Variants in SLC5A12 observed in about 807,000 individuals in gnomAD.
SLC5A12 encodes solute carrier family 5 member 12, also known as sodium-coupled monocarboxylate transporter 2.
A neutral mutation model predicts 72.7 loss-of-function variants in SLC5A12; 46 were observed. That is an observed-to-expected ratio of 0.63 (90% CI 0.50 to 0.81). The LOEUF (loss-of-function observed/expected upper bound fraction) is 0.81. SLC5A12 is among the 30% of genes least tolerant of loss of function. The pLI is 0.00. For missense variants in SLC5A12, 683 were observed against 740.7 expected, an observed-to-expected ratio of 0.92 and a Z score of 0.90; for synonymous variants, 275 against 264.4, an observed-to-expected ratio of 1.04 and a Z score of -0.39.
rs1855015555 is a variant in SLC5A12, at chr11:26,703,635, C to A, written c.717G>T (p.Trp239Cys). Residue 239 changes from tryptophan to cysteine, a missense_variant, in exon 6 of 15, where the codon TGG becomes TGT. Trp to Cys is a radical substitution (Grantham distance 215). Coordinates refer to ENST00000396005, the MANE Select transcript of SLC5A12 (RefSeq NM_178498.4). ...DVDPLRRHTF[W>C]TITVGGTFTW... ...TAAAAGTTCCTCCCACTGTGATAGT[C>A]CAAAAAGTGTGTCGCCTGAGAGGAT... 1.9e-6 allele frequency: 3 copies of A among 1,613,646 alleles called. No individual in the cohort carries two copies. The highest frequency in any genetic ancestry group is 1.3e-5 in the African/African-American group (1 of 74,824).
intron 3 of SLC5A12, among the ~76,000 whole-genome samples, chr11:26,709,891 C>G (rs1204523772): frequency 6.6e-6 from 1 of 150,816 alleles, no homozygotes; most frequent in East Asian, 1.9e-4. Flanking sequence ...GACTTTTTTT[C>G]TAGGAAAACA....
At chr11:26,710,728 A>G (rs889714671) in intron 3 of SLC5A12, among the ~76,000 whole-genome samples, 1 of 152,064 alleles carries the variant, frequency 6.6e-6, no homozygotes, top group Admixed American at 6.6e-5. Flanking sequence ...CTTTCTTGGC[A>G]GCTCTTATCT....
At chr11:26,687,524 G>A (rs1357257509) in intron 9 of SLC5A12, among the ~76,000 whole-genome samples, 1 of 152,208 alleles carries the variant, frequency 6.6e-6, no homozygotes, top group African/African-American at 2.4e-5. Context: ...AAGTTAGAAT[G>A]TGATTCCTGT....
Position 26,686,675 on chromosome 11 carries a change from C to T in SLC5A12, c.1154-131G>A, listed in dbSNP as rs191010482. ...AGGGATCTCAGCGAGGACCATCCTC[C>T]CCATTCAGCCATCATCAGCCCCAAG... On this transcript the variant is annotated intron_variant, in intron 9 of 14. Coordinates refer to ENST00000396005, the MANE Select transcript of SLC5A12 (RefSeq NM_178498.4). 2,304 of 717,728 alleles carry T rather than the reference C, an allele frequency of 3.2e-3. 45 individuals are homozygous for T. In the African/African-American group the frequency reaches 0.036, roughly 11 times the overall value. 44.5% of individuals were successfully genotyped at this position (717,728 alleles called of 1,614,324 possible). A position where few individuals can be genotyped will look rare whatever the true frequency, so the allele number is the denominator to read the frequency against.
intron 8 of SLC5A12, among the ~76,000 whole-genome samples, chr11:26,693,004 T>C (rs1854720364): frequency 6.6e-6 from 1 of 152,218 alleles, no homozygotes; most frequent in African/African-American, 2.4e-5. Flanking sequence ...CACTCATTAA[T>C]TATTCATTCA....
rs1005148375 is a variant in SLC5A12 at position 26,712,583 on chromosome 11, C to A, written c.405+58G>T. On this transcript the variant is annotated intron_variant, in intron 2 of 14. Transcript: ENST00000396005. ...CTGAGTTTATTGCCCCCAAAATAAA[C>A]AAACCTATATCTAGTAACCTCACAG... is the stretch of plus-strand genomic sequence containing the variant. 5.3e-6 allele frequency: 7 copies of A among 1,329,244 alleles called. No homozygotes were observed. In the African/African-American group the frequency reaches 9.9e-5, roughly 19 times the overall value. The allele number at this position is 1,329,244 out of a possible 1,614,324, so 82.3% of individuals were successfully genotyped here.
intron 9 of SLC5A12, among the ~76,000 whole-genome samples, chr11:26,687,399 T>G (rs188983542): frequency 6.6e-6 from 1 of 152,316 alleles, no homozygotes; most frequent in East Asian, 1.9e-4. Context: ...GTGTTGATTC[T>G]TTTTGAGCAT....
rs1345273689 is a variant in SLC5A12 at position 26,721,441 on chromosome 11, T to C, written c.274A>G (p.Ile92Val). 2 of 1,613,966 alleles carry C rather than the reference T, an allele frequency of 1.2e-6. No individual in the cohort carries two copies. Among genetic ancestry groups the C allele is most frequent in the Non-Finnish European group, 1.7e-6 (2 of 1,179,984 alleles). Reference protein sequence around the residue: ...LVFFIAYLFVILLTSELFLPV... With the variant: ...LVFFIAYLFVVLLTSELFLPV... ...AGAAAGAGCTCTGATGTTAAGAGGA[T>C]GACAAATAGGTAAGCAATGAAGAAG... The change falls in exon 1 of 15, where the codon ATC (isoleucine) becomes GTC (valine). Residue 92 changes from isoleucine to valine, a missense_variant. Ile to Val is a conservative substitution (Grantham distance 29). Transcript: ENST00000396005.
intron 11 of SLC5A12, among the ~76,000 whole-genome samples, chr11:26,682,781 G>C (rs1381098045): frequency 6.6e-6 from 1 of 152,046 alleles, no homozygotes; most frequent in Non-Finnish European, 1.5e-5. Flanking sequence ...TTGTGGCTAG[G>C]ATATTGTCTT....
Position 26,681,216 on chromosome 11 carries a change from T to A in SLC5A12, c.1314A>T (p.Ala438=). ...IVFPFVNWKG[A]LGGLLTGITL... is the part of the protein sequence containing the mutation. The stretch of plus-strand genomic sequence containing the variant: ...TGATTCCAGTAAGAAGACCTCCTAG[T>A]GCACCCTGGATGAAGAAGAAAAAGG... The change falls in exon 12 of 15, where the codon GCA becomes GCT. Residue 438 remains alanine, a synonymous_variant. Transcript: ENST00000396005. 2 of 1,587,392 alleles carry A rather than the reference T, an allele frequency of 1.3e-6. No homozygotes were observed. Among genetic ancestry groups the A allele is most frequent in the Non-Finnish European group, 1.7e-6 (2 of 1,168,338 alleles).
rs1040813525 is a variant in SLC5A12 at position 26,683,692 on chromosome 11, G to A, written c.1308+65C>T. 1.6e-5 allele frequency: 21 copies of A among 1,310,428 alleles called. No individual in the cohort carries two copies. The African/African-American group carries it at 2.6e-4, about 16-fold the overall frequency. 81.2% of individuals were successfully genotyped at this position (1,310,428 alleles called of 1,614,324 possible). A position where few individuals can be genotyped will look rare whatever the true frequency, so the allele number is the denominator to read the frequency against. On this transcript the variant is annotated intron_variant, in intron 11 of 14. Transcript: ENST00000396005. ...ATAGCTTTTCTAAACAGGGCTGAGA[G>A]GAGAGAGAAAACGGCTGGGCCCAGT...
At chr11:26,686,718 C>T (rs1325209651) in intron 9 of SLC5A12, among the ~76,000 whole-genome samples, 174 bp from the exon 10 acceptor site, 2 of 152,160 alleles carry the variant, frequency 1.3e-5, no homozygotes, top group African/African-American at 4.8e-5. Context: ...CTTAGGAAGT[C>T]TCTTTACCAA....
chr11:26,684,233 T>A (rs1854476404), intron 10 of SLC5A12, among the ~76,000 whole-genome samples: 1 of 152,146 alleles, frequency 6.6e-6, no homozygotes, highest in South Asian at 2.1e-4. Context: ...AATGCATGAT[T>A]GTTTTTTCCA....
At chr11:26,676,414 G>A (rs898292930) in intron 13 of SLC5A12, among the ~76,000 whole-genome samples, 16 of 150,224 alleles carry the variant, frequency 1.1e-4, no homozygotes, top group African/African-American at 3.7e-4. Flanking sequence ...ACCTTAGTAC[G>A]GAAACATAAT....
intron 12 of SLC5A12, 96 bp downstream of exon 12, chr11:26,680,959 G>A: frequency 8.5e-7 from 1 of 1,179,322 alleles, no homozygotes; most frequent in African/African-American, 1.6e-5. Flanking sequence ...AAGAGAACAA[G>A]ATATGTCTCA....
At chr11:26,689,381 C>T (rs1472982103) in intron 9 of SLC5A12, among the ~76,000 whole-genome samples, 3 of 151,566 alleles carry the variant, frequency 2.0e-5, no homozygotes, top group East Asian at 3.9e-4. Flanking sequence ...GCCTGGGTAA[C>T]AAGAGTGAAA....
rs560711885 is a variant in SLC5A12, at chr11:26,714,736, T to C, written c.340-2030A>G. 2.6e-5 allele frequency among the ~76,000 whole-genome samples: 4 copies of C among 152,256 alleles called. No homozygotes were observed. In the South Asian group the frequency reaches 8.3e-4, roughly 31 times the overall value. Reference sequence around the variant, plus strand: ...CCTTTCCCTAGAAACATTAGATAAATGTTTCATGGCTTACAATTGGCCCTT... The same window carrying C: ...CCTTTCCCTAGAAACATTAGATAAACGTTTCATGGCTTACAATTGGCCCTT... On this transcript the variant is annotated intron_variant, in intron 1 of 14. Transcript: ENST00000396005.
rs61877304 is a variant in SLC5A12 at position 26,672,536 on chromosome 11, T to G, written c.1707+866A>C. On this transcript the variant is annotated intron_variant, in intron 14 of 14. Coordinates refer to ENST00000396005, the MANE Select transcript of SLC5A12 (RefSeq NM_178498.4). ...CTTACCAATGCTGCCCCAGATAGCT[T>G]TGTGGTCATTTTCTGCTTCCCATAG... Among the ~76,000 whole-genome samples, 462 of 152,210 alleles carry G rather than the reference T, an allele frequency of 3.0e-3. 3 individuals are homozygous for G. Among genetic ancestry groups the G allele is most frequent in the Non-Finnish European group, 5.1e-3 (347 of 68,006 alleles).
chr11:26,680,175 AC>A (rs1854359888), intron 12 of SLC5A12, among the ~76,000 whole-genome samples: 1 of 151,240 alleles, frequency 6.6e-6, no homozygotes, highest in Non-Finnish European at 1.5e-5. Context: ...AAAATGAAGT[AC>A]TTTTGAGGAT....
Sources: allele counts gnomAD v4.1 joint callset (sites outside exome capture counted in the v4.1 genomes callset), GRCh38; gene constraint gnomAD v4.1.1; transcripts MANE v1.5; gene names NCBI Gene and HGNC (gene_info 2026-07-23, HGNC 2026-07-21).